Variants in SGMS1 observed in about 807,000 individuals in gnomAD.
SGMS1 encodes phosphatidylcholine:ceramide cholinephosphotransferase 1.
A neutral mutation model predicts 46.2 loss-of-function variants in SGMS1; 13 were observed. The observed-to-expected ratio is 0.28, with a 90% confidence interval of 0.18 to 0.45. The LOEUF (loss-of-function observed/expected upper bound fraction) is 0.45. SGMS1 is among the 20% of genes least tolerant of loss of function. The pLI, the probability that SGMS1 is intolerant of heterozygous loss-of-function variation, is 1.00. For missense variants in SGMS1, 324 were observed against 519.9 expected (o/e 0.62, Z 3.66); for synonymous variants, 203 against 187.8 (o/e 1.08, Z -0.66).
At chr10:50,388,620 TAAAAC>T (rs1848719375) in intron 6 of SGMS1, among the ~76,000 whole-genome samples, 1 of 150,218 alleles carries the variant, frequency 6.7e-6, no homozygotes, top group Non-Finnish European at 1.5e-5. Flanking sequence ...CAAAAAGAAA[TAAAAC>T]AAAAAACAAA....
At chr10:50,389,806 T>C (rs1416774873) in intron 6 of SGMS1, among the ~76,000 whole-genome samples, 2 of 151,992 alleles carry the variant, frequency 1.3e-5, no homozygotes, top group Non-Finnish European at 2.9e-5. Context: ...AAGCTTTTTG[T>C]TTGTACAAAA....
chr10:50,567,978 T>G (rs1290224775), intron 2 of SGMS1, among the ~76,000 whole-genome samples: 2 of 152,226 alleles, frequency 1.3e-5, no homozygotes, highest in Non-Finnish European at 2.9e-5. Flanking sequence ...CTCTCCATTT[T>G]ATTCACTTGC....
chr10:50,603,350 T>C (rs941931309), intron 1 of SGMS1, among the ~76,000 whole-genome samples: 2 of 152,226 alleles, frequency 1.3e-5, no homozygotes, highest in African/African-American at 4.8e-5. Flanking sequence ...GTAACAGAGC[T>C]AGCTTCCAAA....
At chr10:50,327,623 G>A (rs1401341788) in intron 7 of SGMS1, among the ~76,000 whole-genome samples, 1 of 152,176 alleles carries the variant, frequency 6.6e-6, no homozygotes, top group African/African-American at 2.4e-5. Flanking sequence ...CATACAAGTG[G>A]AGCCCACGCT....
At chr10:50,320,734 C>T (rs1049065807) in intron 8 of SGMS1, among the ~76,000 whole-genome samples, 3 of 152,148 alleles carry the variant, frequency 2.0e-5, no homozygotes, top group Non-Finnish European at 4.4e-5. Context: ...CCTTCCATAC[C>T]CGTTGTTTCC....
chr10:50,322,796 C>A (rs2133303315), intron 8 of SGMS1, among the ~76,000 whole-genome samples: 1 of 134,396 alleles, frequency 7.4e-6, no homozygotes, highest in South Asian at 2.3e-4. Flanking sequence ...TGCGCCACTG[C>A]AGTCCGCAGT....
chr10:50,489,036 A>C (rs1837546467), intron 3 of SGMS1, among the ~76,000 whole-genome samples: 1 of 152,186 alleles, frequency 6.6e-6, no homozygotes, highest in South Asian at 2.1e-4. Flanking sequence ...GTTCCAAAAA[A>C]TTTCATATTC....
chr10:50,506,390 C>A (rs1837706980), intron 3 of SGMS1, among the ~76,000 whole-genome samples: 1 of 152,230 alleles, frequency 6.6e-6, no homozygotes, highest in South Asian at 2.1e-4. Flanking sequence ...CCTTCTCATG[C>A]TTCCGTGTTC....
intron 2 of SGMS1, among the ~76,000 whole-genome samples, chr10:50,580,265 A>C (rs1353749009): frequency 6.6e-6 from 1 of 152,162 alleles, no homozygotes; most frequent in Non-Finnish European, 1.5e-5. Flanking sequence ...GGAATCCTTT[A>C]AAAAATCAAA....
At chr10:50,606,535 T>G (rs940030825) in intron 1 of SGMS1, among the ~76,000 whole-genome samples, 1 of 152,250 alleles carries the variant, frequency 6.6e-6, no homozygotes, top group Admixed American at 6.5e-5. Context: ...AGATTTGGAA[T>G]AGTAGAAATA....
At chr10:50,314,804 C>A (rs1336044921) in intron 8 of SGMS1, among the ~76,000 whole-genome samples, 1 of 152,030 alleles carries the variant, frequency 6.6e-6, no homozygotes, top group Non-Finnish European at 1.5e-5. Context: ...GCCTGTAGTC[C>A]CAGCTACTTG....
At chr10:50,522,482 T>C (rs994620447) in intron 2 of SGMS1, among the ~76,000 whole-genome samples, 5 of 152,292 alleles carry the variant, frequency 3.3e-5, no homozygotes, top group African/African-American at 9.6e-5. Flanking sequence ...TTCATACCTA[T>C]TGATTATTAT....
intron 1 of SGMS1, among the ~76,000 whole-genome samples, chr10:50,605,133 AC>A (rs1333628908): frequency 1.1e-4 from 9 of 81,200 alleles, no homozygotes; most frequent in African/African-American, 4.7e-4. Context: ...ATGCCCAGGC[AC>A]CACAAAACCC....
At chr10:50,317,868 A>G (rs1030562913) in intron 8 of SGMS1, among the ~76,000 whole-genome samples, 2 of 150,898 alleles carry the variant, frequency 1.3e-5, no homozygotes, top group South Asian at 2.1e-4. Flanking sequence ...CAATGGCACA[A>G]TCTCGGCTCA....
rs538209854 is a variant in SGMS1, at chr10:50,593,935, T to A, written c.-683-3688A>T. Among the ~76,000 whole-genome samples the A allele has an allele frequency of 2.0e-5, 3 of 152,300 alleles. No homozygotes were observed. In the East Asian group the frequency reaches 5.8e-4, roughly 29 times the overall value. ...TTACATTCTACTGTGTGTCCTCTGG[T>A]ACACACAGGCAAGAATTTCTCCAGG... On this transcript the variant is annotated intron_variant, in intron 1 of 10. Coordinates refer to ENST00000361781, the MANE Select transcript of SGMS1 (RefSeq NM_147156.4).
At chr10:50,603,796 T>G (rs1409785885) in intron 1 of SGMS1, among the ~76,000 whole-genome samples, 2 of 152,236 alleles carry the variant, frequency 1.3e-5, no homozygotes, top group African/African-American at 4.8e-5. Flanking sequence ...GTTATGTATC[T>G]TTAAACACTT....
At chr10:50,373,588 A>C (rs994617035) in intron 6 of SGMS1, among the ~76,000 whole-genome samples, 3 of 152,242 alleles carry the variant, frequency 2.0e-5, no homozygotes, top group Admixed American at 1.3e-4. Flanking sequence ...CAAATGTCAC[A>C]GGTTACTTCA....
At chr10:50,545,165 G>T (rs1838089886) in intron 2 of SGMS1, among the ~76,000 whole-genome samples, 1 of 152,190 alleles carries the variant, frequency 6.6e-6, no homozygotes, top group African/African-American at 2.4e-5. Context: ...TTTATAATAT[G>T]AATGGGAATG....
chr10:50,310,100 G>C (rs895323415), intron 9 of SGMS1, among the ~76,000 whole-genome samples: 1 of 152,126 alleles, frequency 6.6e-6, no homozygotes, highest in Non-Finnish European at 1.5e-5. Flanking sequence ...TGAGAGTTCA[G>C]ACCCTCTTCT....
Sources: allele counts gnomAD v4.1 joint callset (sites outside exome capture counted in the v4.1 genomes callset), GRCh38; gene constraint gnomAD v4.1.1; transcripts MANE v1.5; gene names NCBI Gene and HGNC (gene_info 2026-07-23, HGNC 2026-07-21).